GGCX: variants seen among roughly 807,000 people sequenced by gnomAD.
The protein encoded by GGCX is vitamin K-dependent gamma-carboxylase.
Under a neutral mutation model 88.5 loss-of-function variants are expected in GGCX, and 63 were observed. The ratio of observed to expected loss-of-function variants is 0.71; its 90% CI spans 0.58 to 0.88. GGCX has a LOEUF of 0.88. Ranked by LOEUF, GGCX falls within the 40% of genes least tolerant of loss-of-function variation. GGCX has a pLI of 0.00. For missense variants in GGCX, 805 were observed against 932.9 expected, an observed-to-expected ratio of 0.86 and a Z score of 1.79; for synonymous variants, 368 against 365.8, an observed-to-expected ratio of 1.01 and a Z score of -0.07.
Position 85,554,291 on chromosome 2 carries a change from C to T in GGCX, c.741G>A (p.Glu247=). 6 of 1,614,004 alleles carry T rather than the reference C, an allele frequency of 3.7e-6. No individual in the cohort carries two copies. The highest frequency in any genetic ancestry group is 5.1e-6 in the Non-Finnish European group (6 of 1,179,920). The change falls in exon 7 of 15, where the codon GAG becomes GAA. Residue 247 remains glutamate (E), a synonymous_variant. Transcript: ENST00000233838. ...GCACGACCAGCAGGCTAGTCAGCTCCTCAGACAACAGCAGTCTGCAAACAC... is the reference window on the plus strand; with the variant it reads ...GCACGACCAGCAGGCTAGTCAGCTCTTCAGACAACAGCAGTCTGCAAACAC... ...LFSPFKLLLS[E]ELTSLLVVHW...
At position 85,549,969 on chromosome 2, in the gene GGCX, CAGG is replaced by C. The variant is rs769452060; in HGVS notation, c.2239_2241del (p.Pro747del). ...GAGTGGACAGGATCAGGATTTGACTCAGGAGGATTAGAATGTGAAGAATCCGTG... is the reference window on the plus strand; with the variant it reads ...GAGTGGACAGGATCAGGATTTGACTCAGGATTAGAATGTGAAGAATCCGTG... On this transcript the variant is annotated inframe_deletion, in exon 15 of 15. Transcript: ENST00000233838. 6.2e-7 allele frequency: 1 copy of C among 1,613,810 alleles called. No individual in the cohort carries two copies. Among genetic ancestry groups the C allele is most frequent in the South Asian group, 1.1e-5 (1 of 91,068 alleles).
rs1055593171 is a variant in GGCX at position 85,549,189 on chromosome 2, A to C, written c.*745T>G. 1.3e-5 allele frequency: 2 copies of C among 152,276 alleles called. No individual in the cohort carries two copies. Among genetic ancestry groups the C allele is most frequent in the East Asian group, 3.8e-4 (2 of 5,200 alleles). The allele number at this position is 152,276 out of a possible 1,614,324, so 9.4% of individuals were successfully genotyped here. On this transcript the variant is annotated 3_prime_UTR_variant, in exon 15 of 15. Transcript: ENST00000233838. ...AGGACCTTAAGTCAAATAGACGTTA[A>C]GTTCAAACCATCAGTCCATTCGTCA...
rs1691730881 is a variant in GGCX, at chr2:85,547,380, A to G, written c.*2554T>C. The G allele has an allele frequency of 6.6e-6, 1 of 152,176 alleles. No homozygotes were observed. Among genetic ancestry groups the G allele is most frequent in the Non-Finnish European group, 1.5e-5 (1 of 68,030 alleles). The allele number at this position is 152,176 out of a possible 1,614,324, so 9.4% of individuals were successfully genotyped here. A position where few individuals can be genotyped will look rare whatever the true frequency, so the allele number is the denominator to read the frequency against. On this transcript the variant is annotated 3_prime_UTR_variant, in exon 15 of 15. Coordinates refer to ENST00000233838, the MANE Select transcript of GGCX (RefSeq NM_000821.7). ...TACAGTTGCAACCCAACTCTACCCCACTGAACAGCTTTTATTACCAGTATT... is the reference window on the plus strand; with the variant it reads ...TACAGTTGCAACCCAACTCTACCCCGCTGAACAGCTTTTATTACCAGTATT...
intron 2 of GGCX, among the ~76,000 whole-genome samples, chr2:85,559,533 A>G (rs1251312737): frequency 1.3e-5 from 2 of 151,946 alleles, no homozygotes; most frequent in African/African-American, 4.8e-5. Context: ...ACCAACATGG[A>G]AAAACCCCGT....
At chr2:85,555,242 T>C in intron 6 of GGCX, 1 of 410,226 alleles carries the variant, frequency 2.4e-6, no homozygotes, top group South Asian at 2.2e-5. Context: ...TCCGGCTCTT[T>C]CCTTTCCTTT....
Position 85,548,191 on chromosome 2 carries a change from T to G in GGCX, c.*1743A>C, listed in dbSNP as rs1162885799. On this transcript the variant is annotated 3_prime_UTR_variant, in exon 15 of 15. Transcript: ENST00000233838. ...CAGCCTGGGTGATAGAGTGAAACCC[T>G]GTCTTTAAAAAAAAATAGATTCAAG... 6.6e-6 allele frequency: 1 copy of G among 151,978 alleles called. No homozygotes were observed. Among genetic ancestry groups the G allele is most frequent in the Non-Finnish European group, 1.5e-5 (1 of 68,000 alleles). The allele number at this position is 151,978 out of a possible 1,614,324, so 9.4% of individuals were successfully genotyped here. A position where few individuals can be genotyped will look rare whatever the true frequency, so the allele number is the denominator to read the frequency against.
chr2:85,555,647 C>A, intron 5 of GGCX, 57 bp from the exon 6 acceptor site: 1 of 964,718 alleles, frequency 1.0e-6, no homozygotes, highest in Admixed American at 1.7e-5. Flanking sequence ...TACAGATAGG[C>A]AAGAATAAAA....
In GGCX at chr2:85,559,411, C is replaced by T. The variant is rs74587875; in HGVS notation, c.215-336G>A. 8.5e-3 allele frequency among the ~76,000 whole-genome samples: 1,297 copies of T among 152,222 alleles called. 14 individuals carry two copies. Among genetic ancestry groups the T allele is most frequent in the African/African-American group, 0.029 (1,221 of 41,542 alleles). On this transcript the variant is annotated intron_variant, in intron 2 of 14. Transcript: ENST00000233838. Reference sequence around the variant, plus strand: ...AGCTATAAAGATCCATCCTATTGAGCTTCAGAAAGTGCTCTGGGAGGCCAG... The same window carrying T: ...AGCTATAAAGATCCATCCTATTGAGTTTCAGAAAGTGCTCTGGGAGGCCAG...
intron 3 of GGCX, 118 bp downstream of exon 3, chr2:85,558,799 C>G: frequency 1.0e-6 from 1 of 966,618 alleles, no homozygotes; most frequent in South Asian, 1.3e-5. Flanking sequence ...AGGTCAACAG[C>G]ATGAAATTGA....
At position 85,558,923 on chromosome 2, in the gene GGCX, A is replaced by G. The variant is rs1367986537; in HGVS notation, c.367T>C (p.Phe123Leu). Residue 123 changes from phenylalanine to leucine, a missense_variant, in exon 3 of 15, where the codon TTT becomes CTT. This residue lies in a region of GGCX where 61 missense variants were observed against 111.9 expected (regional missense o/e 0.54). Transcript: ENST00000233838. ...TTCCCACAGTTCCCCTCACCCAGAA[A>G]CATGATGGTGTAGACAAGATACATC... ...DWMYLVYTIM[F>L]LGALGMMLGL... is the part of the protein sequence containing the mutation. 2 of 1,613,842 alleles carry G rather than the reference A, an allele frequency of 1.2e-6. No homozygotes were observed. The highest frequency in any genetic ancestry group is 4.5e-5 in the East Asian group (2 of 44,874).
At chr2:85,555,207 T>C (rs963057034) in intron 6 of GGCX, 10 of 369,890 alleles carry the variant, frequency 2.7e-5, no homozygotes, top group African/African-American at 1.7e-4. Context: ...CTGAGGGCAC[T>C]GGCTCACTCA....
At position 85,555,467 on chromosome 2, in the gene GGCX, C is replaced by A. The variant is rs751951645; in HGVS notation, c.725+17G>T. 7.9e-7 allele frequency: 1 copy of A among 1,269,726 alleles called. No individual in the cohort carries two copies. The highest frequency in any genetic ancestry group is 1.2e-5 in the South Asian group (1 of 84,134). The allele number at this position is 1,269,726 out of a possible 1,614,324, so 78.7% of individuals were successfully genotyped here. ...TACCCATGCCTCAAAGAGGCCTCCACCATGACTGCCACTCACTTGAAGGGA... is the reference window on the plus strand; with the variant it reads ...TACCCATGCCTCAAAGAGGCCTCCAACATGACTGCCACTCACTTGAAGGGA... On this transcript the variant is annotated intron_variant, in intron 6 of 14. Coordinates refer to ENST00000233838, the MANE Select transcript of GGCX (RefSeq NM_000821.7).
chr2:85,552,665 C>T (rs1692013662), intron 9 of GGCX, 98 bp from the exon 10 acceptor site: 6 of 1,247,180 alleles, frequency 4.8e-6, no homozygotes, highest in Non-Finnish European at 7.1e-6. Flanking sequence ...GCCTGCTGCC[C>T]ATTCTGGCTA....
chr2:85,549,970 A>G lies in GGCX; in HGVS notation c.2241T>C (p.Pro747=). ...AGTGGACAGGATCAGGATTTGACTC[A>G]GGAGGATTAGAATGTGAAGAATCCG... The part of the protein sequence containing the change: ...SNTDSSHSNP[P]ESNPDPVHSE... The change falls in exon 15 of 15, where the codon CCT becomes CCC. Residue 747 remains proline (P), a synonymous_variant. Transcript: ENST00000233838. 1 of 1,613,904 alleles carries G rather than the reference A, an allele frequency of 6.2e-7. No homozygotes were observed. The highest frequency in any genetic ancestry group is 8.5e-7 in the Non-Finnish European group (1 of 1,179,818).
Position 85,552,579 on chromosome 2 carries a change from C to G in GGCX, c.1288-12G>C. On this transcript the variant is annotated splice_polypyrimidine_tract_variant and intron_variant, in intron 9 of 14. Coordinates refer to ENST00000233838, the MANE Select transcript of GGCX (RefSeq NM_000821.7). ...CTCTGTGTAAATACCTGCCCCAAAC[C>G]CCCATATTAGTCCCACCTCATCATT... The G allele has an allele frequency of 6.2e-7, 1 of 1,612,392 alleles. No individual in the cohort carries two copies. The highest frequency in any genetic ancestry group is 1.1e-5 in the South Asian group (1 of 91,004).
chr2:85,555,142 C>G (rs1692155628), intron 6 of GGCX: 2 of 279,476 alleles, frequency 7.2e-6, no homozygotes, highest in Non-Finnish European at 1.4e-5. Context: ...CTGCAGGGCT[C>G]TGATGGGAGG....
chr2:85,558,755 A>G, intron 3 of GGCX, 150 bp from the exon 4 acceptor site: 1 of 874,478 alleles, frequency 1.1e-6, no homozygotes. Context: ...AATATTTTAA[A>G]AAGAATTATG....
chr2:85,553,085 C>T lies in GGCX; in HGVS notation c.1156-15G>A, dbSNP rs1410164314. ...TTGTTATAGCCCTGGGAAGGCAGCA[C>T]AGAGGGGAATCAGCTCAATGCTTCT... On this transcript the variant is annotated splice_polypyrimidine_tract_variant and intron_variant, in intron 8 of 14. Coordinates refer to ENST00000233838, the MANE Select transcript of GGCX (RefSeq NM_000821.7). 2.5e-6 allele frequency: 4 copies of T among 1,614,186 alleles called. No homozygotes were observed. Among genetic ancestry groups the T allele is most frequent in the South Asian group, 1.1e-5 (1 of 91,084 alleles).
At chr2:85,558,235 G>A (rs1242931098) in intron 4 of GGCX, among the ~76,000 whole-genome samples, 2 of 152,192 alleles carry the variant, frequency 1.3e-5, no homozygotes, top group East Asian at 3.8e-4. Context: ...GACTGAAGGG[G>A]TGGGATGGAG....
Sources: allele counts gnomAD v4.1 joint callset (sites outside exome capture counted in the v4.1 genomes callset), GRCh38; gene constraint gnomAD v4.1.1; regional missense constraint gnomAD v4.1.1; transcripts MANE v1.5; gene names NCBI Gene and HGNC (gene_info 2026-07-23, HGNC 2026-07-21).